Variants in BEGAIN observed in about 807,000 individuals in gnomAD.
BEGAIN encodes the protein brain-enriched guanylate kinase-associated protein.
A neutral mutation model predicts 35.8 loss-of-function variants in BEGAIN; 19 were observed. The observed-to-expected ratio is 0.53, with a 90% CI of 0.37 to 0.78. BEGAIN has a LOEUF of 0.78. Ranked by LOEUF, BEGAIN falls within the 30% of genes least tolerant of loss-of-function variation. The pLI is 0.00. For missense variants in BEGAIN, 795 were observed against 853.6 expected (o/e 0.93, Z 0.85); for synonymous variants, 462 against 388.6 (o/e 1.19, Z -2.22).
At chr14:100,574,599 CT>C in intron 1 of BEGAIN, among the ~76,000 whole-genome samples, 1 of 148,298 alleles carries the variant, frequency 6.7e-6, no homozygotes, top group Non-Finnish European at 1.5e-5. Flanking sequence ...GTATTTTTGG[CT>C]TCTACTGAAA....
At chr14:100,542,982 G>A (rs2031852748) in intron 5 of BEGAIN, among the ~76,000 whole-genome samples, 1 of 152,304 alleles carries the variant, frequency 6.6e-6, no homozygotes, top group Non-Finnish European at 1.5e-5. Flanking sequence ...CTCAGACCCT[G>A]GCTCCCCCTC....
intron 2 of BEGAIN, among the ~76,000 whole-genome samples, chr14:100,557,742 G>A (rs763659702): frequency 1.6e-4 from 25 of 152,098 alleles, no homozygotes; most frequent in Non-Finnish European, 3.1e-4. Flanking sequence ...GATCCTAGGC[G>A]TGCCTGTGCC....
chr14:100,568,810 G>A lies in BEGAIN; in HGVS notation c.43-871C>T. 1.0e-6 allele frequency: 1 copy of A among 958,306 alleles called. No individual in the cohort carries two copies. The highest frequency in any genetic ancestry group is 1.2e-6 in the Non-Finnish European group (1 of 805,042). The allele number at this position is 958,306 out of a possible 1,614,324, so 59.4% of individuals were successfully genotyped here. On this transcript the variant is annotated intron_variant, in intron 1 of 6. Transcript: ENST00000554140. This position sits in a 1 kb window ranked among gnomAD's most constrained non-coding sequence, Gnocchi z 7.5. ...GCGGGCTCTCTATCACCCGGGAGAG[G>A]CCGCTCCCCGGGGCTTTGCCCGTCT...
In BEGAIN at chr14:100,561,558, G is replaced by T. The variant is rs79664407; in HGVS notation, c.71+6353C>A. On this transcript the variant is annotated intron_variant, in intron 2 of 6. Coordinates refer to ENST00000554140, the MANE Select transcript of BEGAIN (RefSeq NM_001385089.1). ...GAGCCCAGGAGTTGGAGACCAGCCTGGGCGACATGGTGACACCCTGTCTCT... is the reference window on the plus strand; with the variant it reads ...GAGCCCAGGAGTTGGAGACCAGCCTTGGCGACATGGTGACACCCTGTCTCT... Among the ~76,000 whole-genome samples, 10 of 152,000 alleles carry T rather than the reference G, an allele frequency of 6.6e-5. No homozygotes were observed. In the East Asian group the frequency reaches 2.0e-3, roughly 30 times the overall value.
In BEGAIN at chr14:100,568,785, G is replaced by T; in HGVS notation, c.43-846C>A. Reference sequence around the variant, plus strand: ...TCCTGCGTGGAGCTGGGGGCGCCGGGCGGGCTCTCTATCACCCGGGAGAGG... The same window carrying T: ...TCCTGCGTGGAGCTGGGGGCGCCGGTCGGGCTCTCTATCACCCGGGAGAGG... On this transcript the variant is annotated intron_variant, in intron 1 of 6. Transcript: ENST00000554140. This position sits in a 1 kb window ranked among gnomAD's most constrained non-coding sequence, Gnocchi z 7.5. 1.2e-6 allele frequency: 1 copy of T among 858,188 alleles called. No individual in the cohort carries two copies. Among genetic ancestry groups the T allele is most frequent in the Non-Finnish European group, 1.4e-6 (1 of 713,034 alleles). 53.2% of individuals were successfully genotyped at this position (858,188 alleles called of 1,614,324 possible). A position where few individuals can be genotyped will look rare whatever the true frequency, so the allele number is the denominator to read the frequency against.
At chr14:100,577,456 G>T in intron 1 of BEGAIN, 1 of 399,746 alleles carries the variant, frequency 2.5e-6, no homozygotes, top group Non-Finnish European at 4.4e-6. Context: ...GGAGCTCAGG[G>T]CTGGGTCCTT....
In BEGAIN at chr14:100,568,938, C is replaced by T; in HGVS notation, c.43-999G>A. 1.0e-6 allele frequency: 1 copy of T among 983,572 alleles called. No individual in the cohort carries two copies. Among genetic ancestry groups the T allele is most frequent in the Non-Finnish European group, 1.2e-6 (1 of 829,388 alleles). The allele number at this position is 983,572 out of a possible 1,614,324, so 60.9% of individuals were successfully genotyped here. A position where few individuals can be genotyped will look rare whatever the true frequency, so the allele number is the denominator to read the frequency against. On this transcript the variant is annotated intron_variant, in intron 1 of 6. Transcript: ENST00000554140. The surrounding 1 kb of genome is among the most constrained non-coding windows in gnomAD (Gnocchi z 7.5). ...GACTGCCCATCCCGGCCCCTCGCGC[C>T]GGGCGCCGCCGCCGCGTCCGCCGGG... is the stretch of plus-strand genomic sequence containing the variant.
rs1338104046 is a variant in BEGAIN, at chr14:100,573,426, C to T, written c.43-5487G>A. Among the ~76,000 whole-genome samples the T allele has an allele frequency of 2.0e-5, 3 of 152,172 alleles. No individual in the cohort carries two copies. The highest frequency in any genetic ancestry group is 4.1e-4 in the South Asian group (2 of 4,830). ...AAGGAGCAGCTGGGGTGCGGGGCCT[C>T]GTGCACCCTCATCAGGACCTTGGCT... On this transcript the variant is annotated intron_variant, in intron 1 of 6. Transcript: ENST00000554140. The surrounding 1 kb of genome is among the most constrained non-coding windows in gnomAD (Gnocchi z 4.2).
At chr14:100,543,821 G>T in intron 5 of BEGAIN, 37 bp downstream of exon 5, 1 of 1,545,860 alleles carries the variant, frequency 6.5e-7, no homozygotes. Context: ...TAGGCCCACC[G>T]GCAGTCTTCC....
At chr14:100,546,861 A>C in intron 2 of BEGAIN, 199 bp from the exon 3 acceptor site, 3 of 469,658 alleles carry the variant, frequency 6.4e-6, no homozygotes, top group Non-Finnish European at 1.1e-5. Context: ...ATGGCGCCCC[A>C]GAGTCAGGGA....
intron 1 of BEGAIN, among the ~76,000 whole-genome samples, chr14:100,570,780 G>A (rs2035056133): frequency 6.6e-6 from 1 of 152,118 alleles, no homozygotes; most frequent in Non-Finnish European, 1.5e-5. Flanking sequence ...CCGGGTGCAA[G>A]TTTTGATTCA....
chr14:100,550,196 C>T (rs931092643), intron 2 of BEGAIN, among the ~76,000 whole-genome samples: 3 of 152,200 alleles, frequency 2.0e-5, no homozygotes, highest in Admixed American at 6.5e-5. Flanking sequence ...TGCCTTCCAC[C>T]GAGAGCCCCT....
intron 2 of BEGAIN, among the ~76,000 whole-genome samples, chr14:100,551,973 A>C (rs2033250770): frequency 6.6e-6 from 1 of 152,150 alleles, no homozygotes; most frequent in Non-Finnish European, 1.5e-5. Context: ...CTGCTGAGCG[A>C]ACAGAAAACA....
At chr14:100,541,713 C>T (rs866493899) in intron 5 of BEGAIN, among the ~76,000 whole-genome samples, 14 of 152,240 alleles carry the variant, frequency 9.2e-5, no homozygotes, top group Admixed American at 8.5e-4. Flanking sequence ...GAGTGGCTGC[C>T]ACTGGGAAGC....
At chr14:100,556,549 A>G (rs1004604412) in intron 2 of BEGAIN, among the ~76,000 whole-genome samples, 7 of 152,004 alleles carry the variant, frequency 4.6e-5, no homozygotes, top group Non-Finnish European at 1.0e-4. Context: ...ACTTTGGTTC[A>G]CTCTGTTCAC....
In BEGAIN at chr14:100,567,842, C is replaced by T. The variant is rs1221665156; in HGVS notation, c.71+69G>A. 5 of 1,424,720 alleles carry T rather than the reference C, an allele frequency of 3.5e-6. No individual in the cohort carries two copies. Among genetic ancestry groups the T allele is most frequent in the African/African-American group, 1.5e-5 (1 of 65,958 alleles). 88.3% of individuals were successfully genotyped at this position (1,424,720 alleles called of 1,614,324 possible). On this transcript the variant is annotated intron_variant, in intron 2 of 6. Coordinates refer to ENST00000554140, the MANE Select transcript of BEGAIN (RefSeq NM_001385089.1). This position sits in a 1 kb window ranked among gnomAD's most constrained non-coding sequence, Gnocchi z 5.1. ...GCGCTCGGGTGGAGCCCCCTTCCCC[C>T]GCCTTCCCCAGCGCCCTCACCCCCG...
chr14:100,553,168 T>G (rs897734639), intron 2 of BEGAIN, among the ~76,000 whole-genome samples: 2 of 152,124 alleles, frequency 1.3e-5, no homozygotes, highest in African/African-American at 4.8e-5. Context: ...TGCAGGTCCT[T>G]GACGGGTGGG....
intron 1 of BEGAIN, among the ~76,000 whole-genome samples, chr14:100,583,106 A>C (rs2035357163): frequency 6.6e-6 from 1 of 151,106 alleles, no homozygotes; most frequent in African/African-American, 2.4e-5. Context: ...ATGGGCACTC[A>C]TCTGTTCACT....
chr14:100,569,751 C>A (rs2035010715), intron 1 of BEGAIN: 1 of 154,828 alleles, frequency 6.5e-6, no homozygotes, highest in Non-Finnish European at 1.5e-5. Flanking sequence ...TTCACTAGCT[C>A]TGGGCTAAGT....
Sources: gnomAD v4.1 joint callset for allele counts (sites outside exome capture counted in the v4.1 genomes callset) on GRCh38, gnomAD v4.1.1 for gene constraint, Gnocchi (gnomAD v3.1) non-coding constraint, MANE v1.5 for transcripts, NCBI Gene and HGNC (gene_info 2026-07-23, HGNC 2026-07-21) for gene names.